NAV2: variants seen among roughly 807,000 people sequenced by gnomAD.
NAV2 encodes helicase, APC down-regulated 1.
Under a neutral mutation model 223.2 loss-of-function variants are expected in NAV2, and 54 were observed. The observed-to-expected ratio is 0.24, with a 90% confidence interval of 0.19 to 0.30. The LOEUF (loss-of-function observed/expected upper bound fraction) is 0.30, where lower values mean the gene tolerates loss of function less well. NAV2 is among the 10% of genes least tolerant of loss of function. The pLI, the probability that NAV2 is intolerant of heterozygous loss-of-function variation, is 1.00. For missense variants in NAV2, 2,806 were observed against 3,147.5 expected, an observed-to-expected ratio of 0.89 and a Z score of 2.60; for synonymous variants, 1,279 against 1,239.3, an observed-to-expected ratio of 1.03 and a Z score of -0.67.
chr11:20,061,017 T>C (rs1418991407), intron 19 of NAV2, among the ~76,000 whole-genome samples: 1 of 152,186 alleles, frequency 6.6e-6, no homozygotes, highest in African/African-American at 2.4e-5. Context: ...TGCCATTTAG[T>C]ACACGTGGAA....
rs571557378 is a variant in NAV2 at position 19,698,225 on chromosome 11, G to A, written c.76-134259G>A. On this transcript the variant is annotated intron_variant, in intron 1 of 37. Transcript: ENST00000360655. Reference sequence around the variant, plus strand: ...GAGCAAGCCCCTTGACCTCTAGGAAGCTCACTTTTCTCATCTGTAAAATGA... The same window carrying A: ...GAGCAAGCCCCTTGACCTCTAGGAAACTCACTTTTCTCATCTGTAAAATGA... 1.8e-3 allele frequency among the ~76,000 whole-genome samples: 269 copies of A among 152,286 alleles called. 2 individuals carry two copies. The highest frequency in any genetic ancestry group is 2.6e-3 in the Non-Finnish European group (176 of 68,018).
intron 36 of NAV2, among the ~76,000 whole-genome samples, chr11:20,113,232 T>C (rs2062785683): frequency 6.6e-6 from 1 of 152,180 alleles, no homozygotes; most frequent in Admixed American, 6.5e-5. Context: ...TACTTCCTCT[T>C]GGAGTTGCAC....
chr11:19,652,342 A>G (rs1363794402), intron 1 of NAV2, among the ~76,000 whole-genome samples: 1 of 152,100 alleles, frequency 6.6e-6, no homozygotes, highest in South Asian at 2.1e-4. Context: ...TCCTGGGTCA[A>G]GGCAGCCTCC....
At chr11:19,745,087 G>T (rs1402685456) in intron 1 of NAV2, among the ~76,000 whole-genome samples, 1 of 152,204 alleles carries the variant, frequency 6.6e-6, no homozygotes, top group Non-Finnish European at 1.5e-5. Context: ...ACCAGCACTA[G>T]GAGTAGAAAT....
At chr11:19,495,974 G>A (rs1006324533) in intron 1 of NAV2, among the ~76,000 whole-genome samples, 1 of 152,044 alleles carries the variant, frequency 6.6e-6, no homozygotes, top group African/African-American at 2.4e-5. Flanking sequence ...TTGGATTTGG[G>A]GATCACATCA....
At chr11:19,473,576 T>A (rs965353190) in intron 1 of NAV2, among the ~76,000 whole-genome samples, 6 of 152,136 alleles carry the variant, frequency 3.9e-5, no homozygotes, top group African/African-American at 1.4e-4. Context: ...CCTGGAAGTT[T>A]TTCACCTTTC....
rs57566081 is a variant in NAV2 at position 19,397,418 on chromosome 11, T to TGTGTGTGTGTGTGTGCAC, written c.75+46392_75+46393insTGTGTGTGTGTGTGCACG. ...GGGAGTGTGTGTGTGTGTGTGTGTG[T>TGTGTGTGTGTGTGTGCAC]GCGCGCATGTGTGTGTAGGGAATAC... is the stretch of plus-strand genomic sequence containing the variant. On this transcript the variant is annotated intron_variant, in intron 1 of 37. Coordinates refer to the NAV2 transcript ENST00000360655. 6.2e-3 allele frequency among the ~76,000 whole-genome samples: 904 copies of TGTGTGTGTGTGTGTGCAC among 145,334 alleles called. 18 individuals carry two copies. The highest frequency in any genetic ancestry group is 0.023 in the African/African-American group (873 of 38,620).
chr11:20,067,782 G>T lies in NAV2; in HGVS notation c.4885-404G>T, dbSNP rs534048687. ...TGGGATGTCAGGCATGAGCTACCAT[G>T]CCCAGTCCTAGACCTTTTTGTTTTT... On this transcript the variant is annotated intron_variant, in intron 20 of 37. Transcript: ENST00000349880. 1.1e-4 allele frequency among the ~76,000 whole-genome samples: 17 copies of T among 151,768 alleles called. No individual in the cohort carries two copies. The East Asian group carries it at 1.4e-3, about 12-fold the overall frequency.
intron 1 of NAV2, among the ~76,000 whole-genome samples, chr11:19,386,457 G>C (rs1849045299): frequency 6.6e-6 from 1 of 152,180 alleles, no homozygotes; most frequent in Non-Finnish European, 1.5e-5. Context: ...ATCCTGGCAT[G>C]TAATAGGTGC....
At chr11:19,946,537 A>C (rs1565618380) in intron 9 of NAV2, 28 bp downstream of exon 9, 2 of 1,574,276 alleles carry the variant, frequency 1.3e-6, no homozygotes, top group Admixed American at 1.7e-5. Flanking sequence ...TACTTTACTG[A>C]ACTACCTGGT....
chr11:19,477,075 A>G (rs1366179500), intron 1 of NAV2, among the ~76,000 whole-genome samples: 1 of 152,186 alleles, frequency 6.6e-6, no homozygotes, highest in Non-Finnish European at 1.5e-5. Context: ...TCACAAGGAG[A>G]TAAATATGGC....
At chr11:20,024,167 G>T (rs1445041029) in intron 11 of NAV2, among the ~76,000 whole-genome samples, 1 of 152,152 alleles carries the variant, frequency 6.6e-6, no homozygotes, top group Non-Finnish European at 1.5e-5. Flanking sequence ...AGGACTCACC[G>T]AAATACACAG....
intron 37 of NAV2, 35 bp downstream of exon 37, chr11:20,114,830 CT>C: frequency 6.3e-7 from 1 of 1,579,240 alleles, no homozygotes; most frequent in Non-Finnish European, 8.7e-7. Context: ...CTCAGCATTC[CT>C]TTAGCACTTA....
chr11:19,713,077 C>T lies in NAV2; in HGVS notation c.-619C>T, dbSNP rs1326744611. 2.6e-5 allele frequency among the ~76,000 whole-genome samples: 4 copies of T among 152,128 alleles called. No individual in the cohort carries two copies. The highest frequency in any genetic ancestry group is 9.7e-5 in the African/African-American group (4 of 41,448). ...CACCCCAAGAGAGACCTTTCGGGGG[C>T]TCTTGCCGCACCTCTGCTGCGTCGC... On this transcript the variant is annotated 5_prime_UTR_variant, in exon 1 of 38. Coordinates refer to ENST00000349880, the MANE Select transcript of NAV2 (RefSeq NM_145117.5). This position sits in a 1 kb window ranked among gnomAD's most constrained non-coding sequence, Gnocchi z 7.2.
intron 10 of NAV2, among the ~76,000 whole-genome samples, chr11:19,949,667 A>G (rs2047223214): frequency 6.6e-6 from 1 of 151,814 alleles, no homozygotes; most frequent in African/African-American, 2.4e-5. Context: ...CATCTCCACC[A>G]CTCTGTGGCA....
chr11:19,555,349 G>T (rs1423799897), intron 1 of NAV2, among the ~76,000 whole-genome samples: 1 of 152,190 alleles, frequency 6.6e-6, no homozygotes, highest in Non-Finnish European at 1.5e-5. Context: ...CATGAATCAG[G>T]CAAGGTCTAT....
rs1013077674 is a variant in NAV2 at position 19,712,894 on chromosome 11, C to T, written c.-802C>T. On this transcript the variant is annotated 5_prime_UTR_variant, in exon 1 of 38. Transcript: ENST00000349880. ...CAGCCTTCCCGGGAAGCGCGGCGGC[C>T]GCTCCCGAGCGCAGCCCTGCCCGGC... 3.3e-5 allele frequency among the ~76,000 whole-genome samples: 5 copies of T among 151,130 alleles called. No homozygotes were observed. Among genetic ancestry groups the T allele is most frequent in the Non-Finnish European group, 5.9e-5 (4 of 67,742 alleles).
At position 20,043,174 on chromosome 11, in the gene NAV2, C is replaced by T. The variant is rs992024763; in HGVS notation, c.2908-807C>T. Among the ~76,000 whole-genome samples, 3 of 152,134 alleles carry T rather than the reference C, an allele frequency of 2.0e-5. No homozygotes were observed. The South Asian group carries it at 6.2e-4, about 32-fold the overall frequency. On this transcript the variant is annotated intron_variant, in intron 12 of 37. Coordinates refer to ENST00000349880, the MANE Select transcript of NAV2 (RefSeq NM_145117.5). ...CTGATTTGCGTAGAACCAGCAGCCACCCTTGCTCCCTTGCTTGGTGTGTTA... is the reference window on the plus strand; with the variant it reads ...CTGATTTGCGTAGAACCAGCAGCCATCCTTGCTCCCTTGCTTGGTGTGTTA...
In NAV2 at chr11:20,120,831, GTCAC is replaced by G. The variant is rs147786889; in HGVS notation, c.*2578_*2581del. 0.062 allele frequency: 9,501 copies of G among 152,600 alleles called. 729 individuals are homozygous for G. The highest frequency in any genetic ancestry group is 0.37 in the East Asian group (1,928 of 5,144). 9.5% of individuals were successfully genotyped at this position (152,600 alleles called of 1,614,324 possible). On this transcript the variant is annotated 3_prime_UTR_variant, in exon 38 of 38. Transcript: ENST00000349880. ...ATTTTGGTCATATTTTTACTTTAGT[GTCAC>G]TCACCTTTTACAAAGTGACTTTGTA...
Sources: allele counts gnomAD v4.1 joint callset (sites outside exome capture counted in the v4.1 genomes callset), GRCh38; gene constraint gnomAD v4.1.1; non-coding constraint Gnocchi (gnomAD v3.1); transcripts MANE v1.5; gene names NCBI Gene and HGNC (gene_info 2026-07-23, HGNC 2026-07-21).